PNMA6F: variants seen among roughly 807,000 people sequenced by gnomAD.
PNMA6F encodes the protein PNMA family member 6F, also known as paraneoplastic antigen Ma6F.
For missense variants in PNMA6F, 57 were observed against 10.8 expected (o/e 5.25, Z -5.98); for synonymous variants, 14 against 3.4 (o/e 4.15, Z -3.45).
Position 153,320,597 on chromosome X carries a change from G to A in PNMA6F, c.78C>T (p.Cys26=). Reference sequence around the variant, plus strand: ...CGGCCTCCTGGAACTCATGTTCCTCGCAGTCGTCAGGGATATCCAGGATGA... The same window carrying A: ...CGGCCTCCTGGAACTCATGTTCCTCACAGTCGTCAGGGATATCCAGGATGA... The part of the protein sequence containing the change: ...SLLILDIPDD[C]EEHEFQEAVR... The change falls in exon 2 of 2, where the codon TGC becomes TGT. Residue 26 remains cysteine, a synonymous_variant. Transcript: ENST00000436629. The A allele has an allele frequency of 3.4e-6, 1 of 297,357 alleles. No individual in the cohort carries two copies. 24.5% of individuals were successfully genotyped at this position (297,357 alleles called of 1,213,427 possible).
Position 153,319,728 on chromosome X carries a change from TCTGG to T in PNMA6F, c.943_946del (p.Pro315ThrfsTer8). 1 of 299,186 alleles carries T rather than the reference TCTGG, an allele frequency of 3.3e-6. No homozygotes were observed. The highest frequency in any genetic ancestry group is 5.8e-6 in the Non-Finnish European group (1 of 171,297). 24.7% of individuals were successfully genotyped at this position (299,186 alleles called of 1,213,427 possible). On this transcript the variant is annotated frameshift_variant, in exon 2 of 2. Coordinates refer to ENST00000436629, the MANE Select transcript of PNMA6F (RefSeq NM_001354980.2). LOFTEE classifies it low-confidence loss of function (END_TRUNC). Reference sequence around the variant, plus strand: ...CGTCAGGCAGTCCTGCGCAGAGAAGTCTGGATCTTCCTCCAGGAGGCCGCTCACG... The same window carrying T: ...CGTCAGGCAGTCCTGCGCAGAGAAGTATCTTCCTCCAGGAGGCCGCTCACG...
In PNMA6F at chrX:153,319,558, C is replaced by A. The variant is rs1376876649; in HGVS notation, c.1117G>T (p.Ala373Ser). 1 of 297,301 alleles carries A rather than the reference C, an allele frequency of 3.4e-6. No homozygotes were observed. Among genetic ancestry groups the A allele is most frequent in the Non-Finnish European group, 5.9e-6 (1 of 170,339 alleles). The allele number at this position is 297,301 out of a possible 1,213,427, so 24.5% of individuals were successfully genotyped here. The change falls in exon 2 of 2, where the codon GCG (alanine) becomes TCG (serine). Residue 373 changes from alanine to serine, a missense_variant. Coordinates refer to ENST00000436629, the MANE Select transcript of PNMA6F (RefSeq NM_001354980.2). ...TGGTTGGCCATGGCTGGGTGGACCG[C>A]CCCCTTCTCCACGGCCTTCTGCAGC... is the stretch of plus-strand genomic sequence containing the variant. ...GLLQKAVEKG[A>S]VHPAMANHLR...
rs1556958796 is a variant in PNMA6F, at chrX:153,320,199, C to G, written c.476G>C (p.Gly159Ala). The stretch of plus-strand genomic sequence containing the variant: ...TGCTGCTCCTGCCTCACCTGCTGCT[C>G]CTGCCTCACCTACACCTCCTGCCTC... ...IGEAGGVGEAGAAGEAGAAGE... is the reference protein window; with the variant it reads ...IGEAGGVGEAAAAGEAGAAGE... Residue 159 changes from glycine (G) to alanine (A), a missense_variant, in exon 2 of 2, where the codon GGA (glycine) becomes GCA (alanine). Transcript: ENST00000436629. 4 of 343,315 alleles carry G rather than the reference C, an allele frequency of 1.2e-5. No homozygotes were observed. In the East Asian group the frequency reaches 1.9e-4, roughly 16 times the overall value. The allele number at this position is 343,315 out of a possible 1,213,427, so 28.3% of individuals were successfully genotyped here. A position where few individuals can be genotyped will look rare whatever the true frequency, so the allele number is the denominator to read the frequency against.
intron 1 of PNMA6F, 30 bp from the exon 2 acceptor site, chrX:153,320,787 CGTT>C: frequency 1.7e-5 from 5 of 294,391 alleles, no homozygotes; most frequent in Non-Finnish European, 3.0e-5. Flanking sequence ...AGAGGGACGA[CGTT>C]GCTGCCAATC....
In PNMA6F at chrX:153,320,159, TG is replaced by T; in HGVS notation, c.515del (p.Ala172GlufsTer54). ...GEAGAAGEAG[A>X]AGEAGGAGEA... ...CACCTGCACCTCCTGCCTCACCTGC[TG>T]CTCCTGCCTCACCTGCTGCTCCTGC... On this transcript the variant is annotated frameshift_variant, in exon 2 of 2. Coordinates refer to ENST00000436629, the MANE Select transcript of PNMA6F (RefSeq NM_001354980.2). LOFTEE classifies it low-confidence loss of function (END_TRUNC). 1 of 339,161 alleles carries T rather than the reference TG, an allele frequency of 2.9e-6. No homozygotes were observed. The highest frequency in any genetic ancestry group is 5.4e-5 in the Admixed American group (1 of 18,680). 28.0% of individuals were successfully genotyped at this position (339,161 alleles called of 1,213,427 possible).
rs1166424922 is a variant in PNMA6F, at chrX:153,320,196, G to T, written c.479C>A (p.Ala160Glu). The T allele has an allele frequency of 1.3e-5, 4 of 316,249 alleles. No individual in the cohort carries two copies. Among genetic ancestry groups the T allele is most frequent in the African/African-American group, 3.1e-5 (1 of 31,873 alleles). 26.1% of individuals were successfully genotyped at this position (316,249 alleles called of 1,213,427 possible). The change falls in exon 2 of 2, where the codon GCA becomes GAA. Residue 160 changes from alanine to glutamate, a missense_variant. Coordinates refer to ENST00000436629, the MANE Select transcript of PNMA6F (RefSeq NM_001354980.2). ...ACCTGCTGCTCCTGCCTCACCTGCT[G>T]CTCCTGCCTCACCTACACCTCCTGC... ...GEAGGVGEAG[A>E]AGEAGAAGEA...
Position 153,317,714 on chromosome X carries a change from T to G in PNMA6F, c.*1224A>C, listed in dbSNP as rs73245853. On this transcript the variant is annotated 3_prime_UTR_variant, in exon 2 of 2. Coordinates refer to ENST00000436629, the MANE Select transcript of PNMA6F (RefSeq NM_001354980.2). ...GAATGAAGTTTATTGAAGAGAAACA[T>G]GTACTGAAACCATTGAAGAGAAGGG... is the stretch of plus-strand genomic sequence containing the variant. The G allele has an allele frequency of 8.1e-6, 1 of 123,404 alleles. No homozygotes were observed. The highest frequency in any genetic ancestry group is 1.9e-5 in the Non-Finnish European group (1 of 53,253). 10.2% of individuals were successfully genotyped at this position (123,404 alleles called of 1,213,427 possible).
In PNMA6F at chrX:153,320,199, C is replaced by T. The variant is rs1556958796; in HGVS notation, c.476G>A (p.Gly159Glu). Residue 159 changes from glycine (G) to glutamate (E), a missense_variant, in exon 2 of 2, where the codon GGA becomes GAA. Gly to Glu is a moderately conservative substitution (Grantham distance 98). Transcript: ENST00000436629. ...TGCTGCTCCTGCCTCACCTGCTGCT[C>T]CTGCCTCACCTACACCTCCTGCCTC... The part of the protein sequence containing the change: ...IGEAGGVGEA[G>E]AAGEAGAAGE... 1 of 345,422 alleles carries T rather than the reference C, an allele frequency of 2.9e-6. No homozygotes were observed. The allele number at this position is 345,422 out of a possible 1,213,427, so 28.5% of individuals were successfully genotyped here.
chrX:153,318,678 C>A lies in PNMA6F; in HGVS notation c.*260G>T. On this transcript the variant is annotated 3_prime_UTR_variant, in exon 2 of 2. Coordinates refer to ENST00000436629, the MANE Select transcript of PNMA6F (RefSeq NM_001354980.2). The stretch of plus-strand genomic sequence containing the variant: ...TTGAGAGGGCCTCTTTCCCCCATCT[C>A]TCCCAACACAGGACAAGGGGTGGGG... 2 of 249,135 alleles carry A rather than the reference C, an allele frequency of 8.0e-6. No individual in the cohort carries two copies. Among genetic ancestry groups the A allele is most frequent in the Middle Eastern group, 1.1e-3 (1 of 921 alleles). 20.5% of individuals were successfully genotyped at this position (249,135 alleles called of 1,213,427 possible). A position where few individuals can be genotyped will look rare whatever the true frequency, so the allele number is the denominator to read the frequency against.
Position 153,318,178 on chromosome X carries a change from C to G in PNMA6F, c.*760G>C, listed in dbSNP as rs2051968615. On this transcript the variant is annotated 3_prime_UTR_variant, in exon 2 of 2. Transcript: ENST00000436629. ...ACACAGTCATGGTCACCATCATGGT[C>G]ACGGGCACCATCGTGGTCATGCTCA... The G allele has an allele frequency of 8.5e-6, 1 of 117,253 alleles. No homozygotes were observed. Among genetic ancestry groups the G allele is most frequent in the Admixed American group, 9.3e-5 (1 of 10,750 alleles). 9.7% of individuals were successfully genotyped at this position (117,253 alleles called of 1,213,427 possible). A position where few individuals can be genotyped will look rare whatever the true frequency, so the allele number is the denominator to read the frequency against.
rs1377318487 is a variant in PNMA6F, at chrX:153,318,031, A to AC, written c.*906dup. ...GGACACTGAAAACACAGCAGGGAAC[A>AC]CCCCCCCAAGTCAAGGAAACTGAGT... is the stretch of plus-strand genomic sequence containing the variant. On this transcript the variant is annotated 3_prime_UTR_variant, in exon 2 of 2. Transcript: ENST00000436629. 4.3e-5 allele frequency: 5 copies of AC among 115,221 alleles called. No homozygotes were observed. The highest frequency in any genetic ancestry group is 3.8e-5 in the Non-Finnish European group (2 of 52,703). 9.5% of individuals were successfully genotyped at this position (115,221 alleles called of 1,213,427 possible).
chrX:153,321,156 A>G (rs2051992807), intron 1 of PNMA6F: 1 of 107,006 alleles, frequency 9.3e-6, no homozygotes, highest in Non-Finnish European at 1.9e-5. Flanking sequence ...GTTCTTCCTT[A>G]CCCAAACTGC....
In PNMA6F at chrX:153,318,531, C is replaced by T. The variant is rs976494362; in HGVS notation, c.*407G>A. On this transcript the variant is annotated 3_prime_UTR_variant, in exon 2 of 2. Coordinates refer to ENST00000436629, the MANE Select transcript of PNMA6F (RefSeq NM_001354980.2). ...GGTGGGTGAGTGGGCGTCTGCTGTTCGGACGCGTGGGTCACTATGGGGCCT... is the reference window on the plus strand; with the variant it reads ...GGTGGGTGAGTGGGCGTCTGCTGTTTGGACGCGTGGGTCACTATGGGGCCT... 7.3e-5 allele frequency: 9 copies of T among 122,919 alleles called. No homozygotes were observed. Among genetic ancestry groups the T allele is most frequent in the Non-Finnish European group, 1.0e-4 (6 of 60,135 alleles). The allele number at this position is 122,919 out of a possible 1,213,427, so 10.1% of individuals were successfully genotyped here.
In PNMA6F at chrX:153,317,814, C is replaced by G. The variant is rs1284118878; in HGVS notation, c.*1124G>C. 1.6e-5 allele frequency: 2 copies of G among 121,772 alleles called. No homozygotes were observed. The highest frequency in any genetic ancestry group is 6.5e-5 in the African/African-American group (2 of 30,658). 10.0% of individuals were successfully genotyped at this position (121,772 alleles called of 1,213,427 possible). ...CCACACAGGTCCCGGGCCCCCTCCTCCTGGGGTTCCTGGCAAGACGCCTCA... is the reference window on the plus strand; with the variant it reads ...CCACACAGGTCCCGGGCCCCCTCCTGCTGGGGTTCCTGGCAAGACGCCTCA... On this transcript the variant is annotated 3_prime_UTR_variant, in exon 2 of 2. Coordinates refer to ENST00000436629, the MANE Select transcript of PNMA6F (RefSeq NM_001354980.2).
In PNMA6F at chrX:153,319,276, C is replaced by A. The variant is rs959522056; in HGVS notation, c.1399G>T (p.Gly467Ter). The change falls in exon 2 of 2, where the codon GGA becomes TGA. Residue 467 changes from glycine (G) to a stop codon, truncating the protein, a stop_gained. Transcript: ENST00000436629. LOFTEE classifies it low-confidence loss of function (END_TRUNC). ...GCAGCCTCATCAGCATCTTCTGCTCCGGGATCAGCCTCGCTGGCGTCCCCC... is the reference window on the plus strand; with the variant it reads ...GCAGCCTCATCAGCATCTTCTGCTCAGGGATCAGCCTCGCTGGCGTCCCCC... ...AQGDASEADP[G>*]AEDADEAAST... 6.7e-6 allele frequency: 2 copies of A among 298,428 alleles called. No individual in the cohort carries two copies. The highest frequency in any genetic ancestry group is 9.5e-5 in the East Asian group (2 of 21,067). 24.6% of individuals were successfully genotyped at this position (298,428 alleles called of 1,213,427 possible).
chrX:153,319,265 A>C lies in PNMA6F; in HGVS notation c.1410T>G (p.Asp470Glu). 3.4e-6 allele frequency: 1 copy of C among 298,329 alleles called. No homozygotes were observed. The highest frequency in any genetic ancestry group is 5.9e-6 in the Non-Finnish European group (1 of 170,527). 24.6% of individuals were successfully genotyped at this position (298,329 alleles called of 1,213,427 possible). A position where few individuals can be genotyped will look rare whatever the true frequency, so the allele number is the denominator to read the frequency against. The change falls in exon 2 of 2, where the codon GAT becomes GAG. Residue 470 changes from aspartate to glutamate, a missense_variant. Coordinates refer to ENST00000436629, the MANE Select transcript of PNMA6F (RefSeq NM_001354980.2). ...TGGTGGTGGAAGCAGCCTCATCAGC[A>C]TCTTCTGCTCCGGGATCAGCCTCGC... ...DASEADPGAEDADEAASTTKE... is the reference protein window; with the variant it reads ...DASEADPGAEEADEAASTTKE...
intron 1 of PNMA6F, among the ~76,000 whole-genome samples, 168 bp from the exon 2 acceptor site, chrX:153,320,925 C>T: frequency 9.4e-6 from 1 of 106,543 alleles, no homozygotes; most frequent in Non-Finnish European, 1.9e-5. Flanking sequence ...GACACTTAAT[C>T]CCTTGGCACA....
chrX:153,320,095 C>T lies in PNMA6F; in HGVS notation c.580G>A (p.Glu194Lys), dbSNP rs1464526790. 2.7e-6 allele frequency: 1 copy of T among 371,000 alleles called. No individual in the cohort carries two copies. The highest frequency in any genetic ancestry group is 2.7e-5 in the African/African-American group (1 of 37,297). 30.6% of individuals were successfully genotyped at this position (371,000 alleles called of 1,213,427 possible). ...CCTCCTTCCTCACCTGTACCTCCTTCCTCACCTGCACCTCCTGCCTCACCT... is the reference window on the plus strand; with the variant it reads ...CCTCCTTCCTCACCTGTACCTCCTTTCTCACCTGCACCTCCTGCCTCACCT... ...GAGEAGGAGE[E>K]GGTGEEGGAG... Residue 194 changes from glutamate to lysine, a missense_variant, in exon 2 of 2, where the codon GAA becomes AAA. Glu to Lys is a moderately conservative substitution (Grantham distance 56). Coordinates refer to ENST00000436629, the MANE Select transcript of PNMA6F (RefSeq NM_001354980.2).
chrX:153,317,903 C>T lies in PNMA6F; in HGVS notation c.*1035G>A, dbSNP rs4828766. 10,349 of 93,671 alleles carry T rather than the reference C, an allele frequency of 0.11. 1,476 individuals are homozygous for T. Among genetic ancestry groups the T allele is most frequent in the Non-Finnish European group, 0.17 (6,578 of 38,571 alleles). 7.7% of individuals were successfully genotyped at this position (93,671 alleles called of 1,213,427 possible). On this transcript the variant is annotated 3_prime_UTR_variant, in exon 2 of 2. Transcript: ENST00000436629. ...CCTCCTTCCTGAGGGCCCCAGGGTC[C>T]GCCTCTTGCCAGGATGGTGGACTCT... is the stretch of plus-strand genomic sequence containing the variant.
Sources: gnomAD v4.1 joint callset for allele counts (sites outside exome capture counted in the v4.1 genomes callset) on GRCh38, gnomAD v4.1.1 for gene constraint, MANE v1.5 for transcripts, NCBI Gene and HGNC (gene_info 2026-07-23, HGNC 2026-07-21) for gene names.